The following IL7 variants were observed in gnomAD, a reference collection of about 807,000 sequenced individuals.
IL7 encodes interleukin-7.
In IL7, 3 loss-of-function variants were observed where a neutral mutation model predicts 21.6. The ratio of observed to expected loss-of-function variants is 0.14; its 90% CI spans 0.06 to 0.36. The LOEUF is 0.36. Among genes scored for constraint, IL7 ranks in the 10% least tolerant of loss-of-function variants. The probability of loss-of-function intolerance (pLI) is 1.00; values close to 1 mark genes in which losing one functional copy is unlikely to be tolerated. For synonymous variants in IL7, 62 were observed against 68.1 expected (o/e 0.91, Z 0.44); for missense variants, 175 against 200.2 (o/e 0.87, Z 0.76).
chr8:78,753,200 C>T (rs1812232899), intron 2 of IL7, among the ~76,000 whole-genome samples: 2 of 152,190 alleles, frequency 1.3e-5, no homozygotes, highest in Admixed American at 6.5e-5. Context: ...CTCCTACAAA[C>T]AGTGCAAAAA....
chr8:78,735,276 C>CTTTTTTTTTTTTTTTTTGT, intron 5 of IL7, among the ~76,000 whole-genome samples: 1 of 78,518 alleles, frequency 1.3e-5, no homozygotes. Context: ...CTTTTCTTTT[C>CTTTTTTTTTTTTTTTTTGT]TTTTTTTTTT....
At chr8:78,778,600 C>T (rs78104284) in intron 2 of IL7, among the ~76,000 whole-genome samples, 7 of 152,030 alleles carry the variant, frequency 4.6e-5, no homozygotes, top group East Asian at 1.9e-4. Flanking sequence ...CATTGGACTA[C>T]GTGTCTGTTT....
At chr8:78,803,387 C>T (rs1586123379) in intron 1 of IL7, among the ~76,000 whole-genome samples, 3 of 152,110 alleles carry the variant, frequency 2.0e-5, no homozygotes, top group African/African-American at 7.2e-5. Context: ...ATAGTAGATC[C>T]TCAACTACTT....
In IL7 at chr8:78,739,985, CA is replaced by C. The variant is rs41308479; in HGVS notation, c.228+16del. On this transcript the variant is annotated intron_variant, in intron 3 of 5. Coordinates refer to ENST00000263851, the MANE Select transcript of IL7 (RefSeq NM_000880.4). The stretch of plus-strand genomic sequence containing the variant: ...AAAATCAAGCTTGAATGACAAACTC[CA>C]AATAATTATCATTACCTTATTAGCA... 0.02 allele frequency: 30,497 copies of C among 1,503,348 alleles called. 391 individuals are homozygous for C. Among genetic ancestry groups the C allele is most frequent in the Non-Finnish European group, 0.024 (27,717 of 1,133,554 alleles). The allele number at this position is 1,503,348 out of a possible 1,614,324, so 93.1% of individuals were successfully genotyped here. A position where few individuals can be genotyped will look rare whatever the true frequency, so the allele number is the denominator to read the frequency against.
At chr8:78,767,997 A>C in intron 2 of IL7, among the ~76,000 whole-genome samples, 2 of 150,516 alleles carry the variant, frequency 1.3e-5, no homozygotes, top group Non-Finnish European at 1.5e-5. Flanking sequence ...TTCAATTCCC[A>C]CCTATGAGTG....
intron 3 of IL7, chr8:78,697,258 T>C: frequency 1.6e-6 from 1 of 609,338 alleles, no homozygotes; most frequent in Admixed American, 3.4e-5. Flanking sequence ...ATTAATGATG[T>C]GCAACCATCA....
At chr8:78,742,526 A>G (rs1044238954) in intron 2 of IL7, among the ~76,000 whole-genome samples, 2 of 152,110 alleles carry the variant, frequency 1.3e-5, no homozygotes, top group Non-Finnish European at 2.9e-5. Context: ...ATTTTTTAAT[A>G]CTTTTGTCTT....
At chr8:78,792,271 G>A (rs138336069) in intron 2 of IL7, among the ~76,000 whole-genome samples, 1,543 of 152,132 alleles carry the variant, frequency 0.01, 25 homozygotes, top group African/African-American at 0.034. Context: ...CTCACACCAC[G>A]TACATAAATT....
intron 2 of IL7, among the ~76,000 whole-genome samples, chr8:78,779,134 A>G (rs1813230165): frequency 6.6e-6 from 1 of 152,202 alleles, no homozygotes; most frequent in Non-Finnish European, 1.5e-5. Flanking sequence ...CAGCTTAAGA[A>G]GCTTTTGGGC....
intron 4 of IL7, among the ~76,000 whole-genome samples, chr8:78,682,208 C>G (rs1809809996): frequency 6.6e-6 from 1 of 152,086 alleles, no homozygotes; most frequent in Non-Finnish European, 1.5e-5. Flanking sequence ...AGAGGCAGTT[C>G]CCATTAAAAT....
chr8:78,680,905 G>A (rs1387866942), intron 4 of IL7, among the ~76,000 whole-genome samples: 3 of 152,132 alleles, frequency 2.0e-5, no homozygotes, highest in Non-Finnish European at 4.4e-5. Context: ...TAGGAATTTG[G>A]ATAGCTACCA....
intron 2 of IL7, among the ~76,000 whole-genome samples, chr8:78,785,364 T>A (rs987781689): frequency 1.3e-5 from 2 of 152,210 alleles, no homozygotes; most frequent in Non-Finnish European, 2.9e-5. Flanking sequence ...TTTCAGCAAC[T>A]GTTTGGTATT....
chr8:78,757,242 T>C (rs762917636), intron 2 of IL7, among the ~76,000 whole-genome samples: 4 of 152,006 alleles, frequency 2.6e-5, no homozygotes, highest in Non-Finnish European at 5.9e-5. Flanking sequence ...CATTGTACTC[T>C]GGGAAGGTAC....
At chr8:78,751,593 A>G (rs1457412919) in intron 2 of IL7, among the ~76,000 whole-genome samples, 1 of 152,232 alleles carries the variant, frequency 6.6e-6, no homozygotes, top group African/African-American at 2.4e-5. Context: ...AGGTAAAATA[A>G]ATACTTTCCC....
At chr8:78,791,539 C>T (rs1195302058) in intron 2 of IL7, among the ~76,000 whole-genome samples, 3 of 152,118 alleles carry the variant, frequency 2.0e-5, no homozygotes, top group African/African-American at 7.2e-5. Flanking sequence ...ACTTGGTAGG[C>T]AGAAGCACAA....
chr8:78,700,841 C>T (rs1810579002), intron 3 of IL7, among the ~76,000 whole-genome samples: 2 of 152,064 alleles, frequency 1.3e-5, no homozygotes. Flanking sequence ...TCTGGGCTTG[C>T]TATTCTGTTC....
At chr8:78,699,462 C>T (rs1054015017) in intron 3 of IL7, among the ~76,000 whole-genome samples, 5 of 151,932 alleles carry the variant, frequency 3.3e-5, no homozygotes, top group Non-Finnish European at 5.9e-5. Flanking sequence ...ACATTATTTT[C>T]TTTTTTTAAT....
At chr8:78,699,044 A>G (rs1239008809) in intron 3 of IL7, among the ~76,000 whole-genome samples, 1 of 152,132 alleles carries the variant, frequency 6.6e-6, no homozygotes, top group Non-Finnish European at 1.5e-5. Context: ...CAAAATGTCT[A>G]GCTTTGTTTG....
At chr8:78,723,052 T>C (rs1811270681) in intron 3 of IL7, among the ~76,000 whole-genome samples, 1 of 148,200 alleles carries the variant, frequency 6.7e-6, no homozygotes, top group East Asian at 2.0e-4. Flanking sequence ...TAGTCTTTCA[T>C]TTTCCAAAGG....
Sources: gnomAD v4.1 joint callset for allele counts (sites outside exome capture counted in the v4.1 genomes callset) on GRCh38, gnomAD v4.1.1 for gene constraint, MANE v1.5 for transcripts, NCBI Gene and HGNC (gene_info 2026-07-23, HGNC 2026-07-21) for gene names.